SLC17A6: variants seen among roughly 807,000 people sequenced by gnomAD.
The protein encoded by SLC17A6 is solute carrier family 17 member 6.
In SLC17A6, 35 loss-of-function variants were observed where a neutral mutation model predicts 67.1. The ratio of observed to expected loss-of-function variants is 0.52; its 90% CI spans 0.40 to 0.69. The LOEUF (loss-of-function observed/expected upper bound fraction) is 0.69, where lower values mean the gene tolerates loss of function less well. Among genes scored for constraint, SLC17A6 ranks in the 30% least tolerant of loss-of-function variants. The pLI is 0.00. For missense variants in SLC17A6, 588 were observed against 723.9 expected, an observed-to-expected ratio of 0.81 and a Z score of 2.15; for synonymous variants, 285 against 252.3, an observed-to-expected ratio of 1.13 and a Z score of -1.23.
intron 11 of SLC17A6, 38 bp from the exon 12 acceptor site, chr11:22,377,367 G>A (rs1224280359): frequency 1.3e-6 from 2 of 1,529,388 alleles, no homozygotes; most frequent in African/African-American, 1.4e-5. Context: ...TAAATCATGG[G>A]GAGTCAGTTC....
At chr11:22,361,104 A>G in intron 5 of SLC17A6, 120 bp downstream of exon 5, 1 of 654,382 alleles carries the variant, frequency 1.5e-6, no homozygotes, top group Non-Finnish European at 2.6e-6. Context: ...AACATCTGTG[A>G]GTGGTAAGGT....
intron 1 of SLC17A6, among the ~76,000 whole-genome samples, chr11:22,339,045 T>G (rs1276972786): frequency 7.1e-6 from 1 of 140,642 alleles, no homozygotes; most frequent in African/African-American, 2.6e-5. Flanking sequence ...ACCAAGAAAT[T>G]CCAAAGAGTA....
At position 22,360,915 on chromosome 11, in the gene SLC17A6, T is replaced by C; in HGVS notation, c.592T>C (p.Cys198Arg). ...ATCACAGGGTGTGACCTACCCAGCA[T>C]GTCATGGGATATGGAGCAAATGGGC... ...GLVEGVTYPA[C>R]HGIWSKWAPP... is the part of the protein sequence containing the mutation. Residue 198 changes from cysteine to arginine, a missense_variant, in exon 5 of 12, where the codon TGT (cysteine) becomes CGT (arginine). Cys to Arg is a radical substitution (Grantham distance 180). This residue lies in a region of SLC17A6 where 414 missense variants were observed against 563.4 expected (regional missense o/e 0.73). Coordinates refer to ENST00000263160, the MANE Select transcript of SLC17A6 (RefSeq NM_020346.3). 6.2e-7 allele frequency: 1 copy of C among 1,613,980 alleles called. No homozygotes were observed.
chr11:22,376,946 A>T (rs1564988209), intron 11 of SLC17A6, among the ~76,000 whole-genome samples: 2 of 152,128 alleles, frequency 1.3e-5, no homozygotes, highest in African/African-American at 2.4e-5. Context: ...TCTCTAGCTT[A>T]TTAAAATACT....
At chr11:22,361,028 G>T (rs756326985) in intron 5 of SLC17A6, 44 bp downstream of exon 5, 3 of 1,539,680 alleles carry the variant, frequency 1.9e-6, no homozygotes, top group Non-Finnish European at 2.7e-6. Flanking sequence ...TAAAAGTTTA[G>T]GAACAACTTG....
At position 22,348,858 on chromosome 11, in the gene SLC17A6, G is replaced by A. The variant is rs143554600; in HGVS notation, c.458+5493G>A. On this transcript the variant is annotated intron_variant, in intron 3 of 11. Coordinates refer to ENST00000263160, the MANE Select transcript of SLC17A6 (RefSeq NM_020346.3). Reference sequence around the variant, plus strand: ...AACATCTCTTGTTAGAATAATTTTCGAAAGGAGAAGAAGACATTTTAAACA... The same window carrying A: ...AACATCTCTTGTTAGAATAATTTTCAAAAGGAGAAGAAGACATTTTAAACA... Among the ~76,000 whole-genome samples the A allele has an allele frequency of 5.9e-3, 902 of 152,178 alleles. 27 individuals carry two copies. Among genetic ancestry groups the A allele is most frequent in the East Asian group, 0.013 (69 of 5,184 alleles).
intron 3 of SLC17A6, among the ~76,000 whole-genome samples, chr11:22,358,170 C>T (rs1465203055): frequency 6.6e-6 from 1 of 151,400 alleles, no homozygotes; most frequent in Non-Finnish European, 1.5e-5. Flanking sequence ...ATTTAAGGCT[C>T]GTGTTTGGCT....
rs1489779248 is a variant in SLC17A6 at position 22,343,362 on chromosome 11, A to G, written c.455A>G (p.Asn152Ser). 9 of 1,609,474 alleles carry G rather than the reference A, an allele frequency of 5.6e-6. No individual in the cohort carries two copies. Among genetic ancestry groups the G allele is most frequent in the East Asian group, 2.2e-5 (1 of 44,828 alleles). The change falls in exon 3 of 12, where the codon AAC becomes AGC. Residue 152 changes from asparagine (N) to serine (S), a missense_variant. This residue lies in a region of SLC17A6 where 414 missense variants were observed against 563.4 expected (regional missense o/e 0.73). Transcript: ENST00000263160. ...TACATCGCGTCTCGGCTGGCAGCCA[A>G]CAGGTAATGCGCCAGGCGGGACTGG... ...GGYIASRLAA[N>S]RVFGAAILLT...
At chr11:22,339,393 C>A (rs1014835409) in intron 1 of SLC17A6, among the ~76,000 whole-genome samples, 3 of 151,628 alleles carry the variant, frequency 2.0e-5, no homozygotes, top group African/African-American at 4.8e-5. Context: ...CTCCTAGAGT[C>A]TATTTCTTGC....
intron 5 of SLC17A6, among the ~76,000 whole-genome samples, chr11:22,361,966 A>G (rs536945065): frequency 6.6e-6 from 1 of 152,214 alleles, no homozygotes; most frequent in Non-Finnish European, 1.5e-5. Context: ...TTGAATTTAC[A>G]TGCATTTGAG....
chr11:22,367,015 A>C, intron 7 of SLC17A6, among the ~76,000 whole-genome samples: 1 of 151,644 alleles, frequency 6.6e-6, no homozygotes. Flanking sequence ...GAAAAAAAAA[A>C]AAAAAAAAAA....
chr11:22,348,413 G>C (rs1385145031), intron 3 of SLC17A6, among the ~76,000 whole-genome samples: 1 of 152,122 alleles, frequency 6.6e-6, no homozygotes, highest in Non-Finnish European at 1.5e-5. Context: ...TGTGTGTACT[G>C]GCTCCCAAGC....
In SLC17A6 at chr11:22,362,081, A is replaced by T. The variant is rs926923615; in HGVS notation, c.662-658A>T. The stretch of plus-strand genomic sequence containing the variant: ...CCCACTATGTAAAATTCAAAGAGAT[A>T]TAAATTAGGTGATATTCACTAGAAA... On this transcript the variant is annotated intron_variant, in intron 5 of 11. Coordinates refer to ENST00000263160, the MANE Select transcript of SLC17A6 (RefSeq NM_020346.3). 13 of 189,054 alleles carry T rather than the reference A, an allele frequency of 6.9e-5. No homozygotes were observed. In the South Asian group the frequency reaches 1.6e-3, roughly 23 times the overall value. The allele number at this position is 189,054 out of a possible 1,614,324, so 11.7% of individuals were successfully genotyped here. A position where few individuals can be genotyped will look rare whatever the true frequency, so the allele number is the denominator to read the frequency against.
intron 4 of SLC17A6, among the ~76,000 whole-genome samples, chr11:22,360,537 C>CA (rs138019567): frequency 0.13 from 16,731 of 126,574 alleles, 1,490 homozygotes; most frequent in East Asian, 0.45. Flanking sequence ...CCCCCCCCCC[C>CA]AAAAAAAAGA....
At chr11:22,364,978 A>C (rs556364805) in intron 6 of SLC17A6, among the ~76,000 whole-genome samples, 1 of 152,308 alleles carries the variant, frequency 6.6e-6, no homozygotes, top group African/African-American at 2.4e-5. Context: ...TTGTTACCAC[A>C]TGAAGTACAG....
At chr11:22,376,184 CAT>C in intron 10 of SLC17A6, 92 bp downstream of exon 10, 1 of 706,516 alleles carries the variant, frequency 1.4e-6, no homozygotes, top group Non-Finnish European at 2.3e-6. Flanking sequence ...TAGATATCTT[CAT>C]ATATATATTC....
chr11:22,355,673 C>G (rs895683991), intron 3 of SLC17A6, among the ~76,000 whole-genome samples: 5 of 152,196 alleles, frequency 3.3e-5, no homozygotes, highest in African/African-American at 1.2e-4. Context: ...GCATCCCACT[C>G]TAGATGTTCT....
chr11:22,356,490 C>G (rs1564981896), intron 3 of SLC17A6, among the ~76,000 whole-genome samples: 1 of 151,946 alleles, frequency 6.6e-6, no homozygotes, highest in Non-Finnish European at 1.5e-5. Flanking sequence ...ACAGGGAATT[C>G]AATGGATTTT....
chr11:22,343,727 G>C (rs1211833968), intron 3 of SLC17A6, among the ~76,000 whole-genome samples: 1 of 151,694 alleles, frequency 6.6e-6, no homozygotes, highest in Non-Finnish European at 1.5e-5. Context: ...TAGAACGGCA[G>C]ATGCTGCGCT....
Sources: gnomAD v4.1 joint callset for allele counts (sites outside exome capture counted in the v4.1 genomes callset) on GRCh38, gnomAD v4.1.1 for gene constraint, gnomAD v4.1.1 regional missense constraint, MANE v1.5 for transcripts, NCBI Gene and HGNC (gene_info 2026-07-23, HGNC 2026-07-21) for gene names.